Variants in CHRDL2 observed in about 807,000 individuals in gnomAD.
CHRDL2 encodes the protein chordin like 2.
A neutral mutation model predicts 54.3 loss-of-function variants in CHRDL2; 41 were observed. That is an observed-to-expected ratio of 0.76 (90% CI 0.59 to 0.98). The LOEUF (loss-of-function observed/expected upper bound fraction) is 0.98, where lower values mean the gene tolerates loss of function less well. CHRDL2 is among the 50% of genes least tolerant of loss of function. CHRDL2 has a pLI of 0.00. For missense variants in CHRDL2, 518 were observed against 562.4 expected, an observed-to-expected ratio of 0.92 and a Z score of 0.80; for synonymous variants, 220 against 224.3, an observed-to-expected ratio of 0.98 and a Z score of 0.17.
chr11:74,700,417 A>G (rs1298969794), intron 9 of CHRDL2, among the ~76,000 whole-genome samples: 1 of 151,808 alleles, frequency 6.6e-6, no homozygotes, highest in Non-Finnish European at 1.5e-5. Context: ...TCTTTACATC[A>G]TTGAGGCCCA....
chr11:74,708,266 G>A, intron 5 of CHRDL2, 36 bp downstream of exon 5: 1 of 1,431,834 alleles, frequency 7.0e-7, no homozygotes, highest in Middle Eastern at 2.3e-4. Context: ...GAGTGGAGGG[G>A]TGGGTGAGTG....
At chr11:74,702,050 T>A (rs2033832178) in intron 9 of CHRDL2, among the ~76,000 whole-genome samples, 1 of 151,964 alleles carries the variant, frequency 6.6e-6, no homozygotes, top group Admixed American at 6.6e-5. Context: ...GTCCAGGAGT[T>A]CCAGACTAGC....
Position 74,696,487 on chromosome 11 carries a change from A to G in CHRDL2, c.*22T>C, listed in dbSNP as rs1394421659. 4 of 1,584,224 alleles carry G rather than the reference A, an allele frequency of 2.5e-6. No homozygotes were observed. In the East Asian group the frequency reaches 6.7e-5, roughly 27 times the overall value. On this transcript the variant is annotated 3_prime_UTR_variant, in exon 11 of 11. Coordinates refer to ENST00000376332, the MANE Select transcript of CHRDL2 (RefSeq NM_001278473.3). ...TAATAACAACAATTATACAGCTCAT[A>G]TCTGCAACTGTTAGGTCTTTGTTAT... is the stretch of plus-strand genomic sequence containing the variant.
rs773035564 is a variant in CHRDL2 at position 74,718,722 on chromosome 11, C to T, written c.193G>A (p.Glu65Lys). ...GTCAGGTGGCCAGAGGAACCTACCT[C>T]TGAGCAGGTACAGCGCAGGCAGTAC... ...LMYCLRCTCSEGAHVSCYRLH... is the reference protein window; with the variant it reads ...LMYCLRCTCSKGAHVSCYRLH... Residue 65 changes from glutamate (E) to lysine (K), a missense_variant and splice_region_variant, in exon 2 of 11, where the codon GAG becomes AAG. Physicochemically the swap from Glu to Lys is moderately conservative, Grantham distance 56. Coordinates refer to ENST00000376332, the MANE Select transcript of CHRDL2 (RefSeq NM_001278473.3). 4.3e-6 allele frequency: 7 copies of T among 1,609,502 alleles called. No individual in the cohort carries two copies. In the South Asian group the frequency reaches 7.7e-5, roughly 18 times the overall value.
chr11:74,713,353 C>T, intron 3 of CHRDL2, 33 bp downstream of exon 3: 1 of 1,583,300 alleles, frequency 6.3e-7, no homozygotes, highest in South Asian at 1.1e-5. Flanking sequence ...GGAGAAAGGT[C>T]CATGGACGAT....
At chr11:74,696,938 A>G (rs766227849) in intron 10 of CHRDL2, among the ~76,000 whole-genome samples, 17 of 152,190 alleles carry the variant, frequency 1.1e-4, no homozygotes, top group Non-Finnish European at 2.5e-4. Context: ...GGCAGTACCC[A>G]GGTTTGGGGG....
intron 3 of CHRDL2, among the ~76,000 whole-genome samples, chr11:74,712,311 G>A (rs1377020777): frequency 1.3e-5 from 2 of 152,078 alleles, no homozygotes; most frequent in Admixed American, 6.5e-5. Context: ...GCATGGCAAC[G>A]GTGAGCAGAG....
intron 6 of CHRDL2, 117 bp downstream of exon 6, chr11:74,706,370 A>C (rs2034008903): frequency 1.0e-6 from 1 of 1,002,450 alleles, no homozygotes; most frequent in Non-Finnish European, 1.5e-6. Context: ...TAGCCAACCC[A>C]GGGGACAAAC....
intron 7 of CHRDL2, among the ~76,000 whole-genome samples, chr11:74,703,735 T>A (rs1010250746): frequency 1.3e-5 from 2 of 151,990 alleles, no homozygotes; most frequent in Admixed American, 1.3e-4. Flanking sequence ...AGATGAAGAG[T>A]CCTCCCTCAC....
intron 3 of CHRDL2, 142 bp from the exon 4 acceptor site, chr11:74,711,133 A>T: frequency 1.1e-6 from 1 of 932,192 alleles, no homozygotes; most frequent in Non-Finnish European, 1.6e-6. Context: ...GGGCCTTGCC[A>T]GCCATTCCCC....
chr11:74,702,636 A>C (rs1224344146), intron 9 of CHRDL2, among the ~76,000 whole-genome samples, 158 bp downstream of exon 9: 1 of 152,252 alleles, frequency 6.6e-6, no homozygotes, highest in Non-Finnish European at 1.5e-5. Context: ...AGTCAGGCTC[A>C]CTATCTTCCT....
intron 1 of CHRDL2, among the ~76,000 whole-genome samples, chr11:74,723,517 T>C (rs1426351699): frequency 6.6e-6 from 1 of 152,202 alleles, no homozygotes; most frequent in African/African-American, 2.4e-5. Flanking sequence ...CCTTTCCTTA[T>C]TAATTGAGAA....
In CHRDL2 at chr11:74,731,054, G is replaced by C; in HGVS notation, c.-166C>G. 1 of 605,948 alleles carries C rather than the reference G, an allele frequency of 1.7e-6. No individual in the cohort carries two copies. Among genetic ancestry groups the C allele is most frequent in the East Asian group, 2.8e-5 (1 of 35,756 alleles). The allele number at this position is 605,948 out of a possible 1,614,324, so 37.5% of individuals were successfully genotyped here. ...GGAAGCAGCGGTGGGCAGGAAAGGA[G>C]GGCAGGAAGGGAGGTCTAAGGTGGG... On this transcript the variant is annotated 5_prime_UTR_variant, in exon 1 of 11. Coordinates refer to ENST00000376332, the MANE Select transcript of CHRDL2 (RefSeq NM_001278473.3). The surrounding 1 kb of genome is among the most constrained non-coding windows in gnomAD (Gnocchi z 4.4).
At chr11:74,719,381 T>TACACACACAG (rs1554987449) in intron 1 of CHRDL2, 12 of 76,488 alleles carry the variant, frequency 1.6e-4, no homozygotes, top group African/African-American at 5.0e-4. Context: ...CCCTCCCCTG[T>TACACACACAG]ACACACACAC....
At chr11:74,712,835 T>G (rs1288632641) in intron 3 of CHRDL2, among the ~76,000 whole-genome samples, 1 of 152,214 alleles carries the variant, frequency 6.6e-6, no homozygotes, top group Non-Finnish European at 1.5e-5. Flanking sequence ...TCTGACTTCT[T>G]CTTCCTAGAA....
intron 1 of CHRDL2, among the ~76,000 whole-genome samples, chr11:74,726,181 G>A (rs2034568416): frequency 6.6e-6 from 1 of 152,190 alleles, no homozygotes. Context: ...GCAGGAAACA[G>A]GGTGGGGACT....
intron 1 of CHRDL2, among the ~76,000 whole-genome samples, chr11:74,729,875 C>A (rs536403083): frequency 1.3e-5 from 2 of 152,024 alleles, no homozygotes; most frequent in African/African-American, 2.4e-5. Flanking sequence ...CTATTGTGGG[C>A]GCAGTGAGGA....
At chr11:74,698,104 C>G (rs1687418194) in intron 9 of CHRDL2, 1 of 151,922 alleles carries the variant, frequency 6.6e-6, no homozygotes, top group Admixed American at 6.5e-5. Context: ...ACTCTTGTTG[C>G]CCAGGCTGAA....
At chr11:74,728,875 G>T (rs2034609579) in intron 1 of CHRDL2, among the ~76,000 whole-genome samples, 1 of 152,086 alleles carries the variant, frequency 6.6e-6, no homozygotes, top group Non-Finnish European at 1.5e-5. Flanking sequence ...CTAATGAGTT[G>T]GCTCCAAGTC....
Sources: gnomAD v4.1 joint callset for allele counts (sites outside exome capture counted in the v4.1 genomes callset) on GRCh38, gnomAD v4.1.1 for gene constraint, Gnocchi (gnomAD v3.1) non-coding constraint, MANE v1.5 for transcripts, NCBI Gene and HGNC (gene_info 2026-07-23, HGNC 2026-07-21) for gene names.